MAIP1: variants seen among roughly 807,000 people sequenced by gnomAD.
MAIP1 encodes the protein matrix AAA peptidase interacting protein 1, also known as m-AAA protease-interacting protein 1, mitochondrial.
Under a neutral mutation model 31.2 loss-of-function variants are expected in MAIP1, and 28 were observed. That is an observed-to-expected ratio of 0.90 (90% CI 0.67 to 1.23). MAIP1 has a LOEUF of 1.23. MAIP1 is among the 50% of genes most tolerant of loss of function. The probability of loss-of-function intolerance (pLI) is 0.00; values close to 1 mark genes in which losing one functional copy is unlikely to be tolerated. For synonymous variants in MAIP1, 142 were observed against 142.3 expected (o/e 1.00, Z 0.02); for missense variants, 339 against 356.0 (o/e 0.95, Z 0.38).
intron 2 of MAIP1, 100 bp downstream of exon 2, chr2:199,959,439 C>T: frequency 1.3e-6 from 1 of 750,222 alleles, no homozygotes; most frequent in Non-Finnish European, 2.3e-6. Context: ...AGTGTGTGTG[C>T]CAGCATCCAA....
chr2:199,955,825 C>T lies in MAIP1; in HGVS notation c.27C>T (p.Pro9=), dbSNP rs761483369. ...TGGCGCTGGCCGCTCGTTTGCTACC[C>T]CAGTTCCTGCACTCTCGGTCGCTGC... MALAARLL[P]QFLHSRSLPC... Residue 9 remains proline (P), a synonymous_variant, in exon 1 of 5, where the codon CCC becomes CCT. Transcript: ENST00000392290. 4.0e-6 allele frequency: 6 copies of T among 1,518,606 alleles called. No individual in the cohort carries two copies. In the African/African-American group the frequency reaches 8.4e-5, roughly 21 times the overall value. The allele number at this position is 1,518,606 out of a possible 1,614,324, so 94.1% of individuals were successfully genotyped here. A position where few individuals can be genotyped will look rare whatever the true frequency, so the allele number is the denominator to read the frequency against.
In MAIP1 at chr2:199,955,930, C is replaced by G. The variant is rs372246553; in HGVS notation, c.132C>G (p.Arg44=). 12 of 1,601,110 alleles carry G rather than the reference C, an allele frequency of 7.5e-6. No homozygotes were observed. The highest frequency in any genetic ancestry group is 1.0e-5 in the Non-Finnish European group (12 of 1,172,132). Residue 44 remains arginine (R), a synonymous_variant, in exon 1 of 5, where the codon CGC becomes CGG. Coordinates refer to ENST00000392290, the MANE Select transcript of MAIP1 (RefSeq NM_001394955.1). ...LPSATLCYFC[R]CRLGLGAALF... Reference sequence around the variant, plus strand: ...CGGCCACACTTTGCTACTTCTGCCGCTGTCGCCTCGGCTTGGGAGCGGCGT... The same window carrying G: ...CGGCCACACTTTGCTACTTCTGCCGGTGTCGCCTCGGCTTGGGAGCGGCGT...
chr2:199,955,727 C>T lies in MAIP1; in HGVS notation c.-72C>T. The T allele has an allele frequency of 2.1e-6, 3 of 1,426,024 alleles. No homozygotes were observed. Among genetic ancestry groups the T allele is most frequent in the South Asian group, 2.8e-5 (2 of 72,632 alleles). The allele number at this position is 1,426,024 out of a possible 1,614,324, so 88.3% of individuals were successfully genotyped here. ...TGCTCTCCAGTCTCTTTCTCCGACA[C>T]CGCTGAGGCGGTTTCCCACCGACTT... On this transcript the variant is annotated 5_prime_UTR_variant, in exon 1 of 5. Transcript: ENST00000392290.
rs2077600608 is a variant in MAIP1, at chr2:199,956,036, G to C, written c.238G>C (p.Gly80Arg). 1.9e-5 allele frequency: 30 copies of C among 1,609,584 alleles called. No homozygotes were observed. Among genetic ancestry groups the C allele is most frequent in the Non-Finnish European group, 2.5e-5 (30 of 1,177,874 alleles). ...GSRWPVLSSPGLPAAFASFPA... is the reference protein window; with the variant it reads ...GSRWPVLSSPRLPAAFASFPA... ...CCGGTGGCCAGTGCTCAGCAGCCCG[G>C]GACTCCCCGCAGCCTTCGCTTCTTT... is the stretch of plus-strand genomic sequence containing the variant. Residue 80 changes from glycine (G) to arginine (R), a missense_variant, in exon 1 of 5, where the codon GGA becomes CGA. Gly to Arg is a moderately radical substitution (Grantham distance 125). Coordinates refer to ENST00000392290, the MANE Select transcript of MAIP1 (RefSeq NM_001394955.1).
chr2:199,957,164 G>A (rs1488981418), intron 1 of MAIP1, among the ~76,000 whole-genome samples: 1 of 152,064 alleles, frequency 6.6e-6, no homozygotes, highest in Admixed American at 6.6e-5. Context: ...ACTTTGGGAG[G>A]CCGAGGCAGG....
chr2:199,959,896 A>G lies in MAIP1; in HGVS notation c.649+16A>G. On this transcript the variant is annotated intron_variant, in intron 3 of 4. Coordinates refer to ENST00000392290, the MANE Select transcript of MAIP1 (RefSeq NM_001394955.1). ...GATGAGAAAGGTAATACCAGAGCAT[A>G]GTCAACTTGAAATGATCCATAATTG... is the stretch of plus-strand genomic sequence containing the variant. 6.2e-7 allele frequency: 1 copy of G among 1,607,804 alleles called. No homozygotes were observed.
At chr2:199,962,168 C>A (rs755789242) in intron 4 of MAIP1, among the ~76,000 whole-genome samples, 39 of 152,168 alleles carry the variant, frequency 2.6e-4, no homozygotes, top group Non-Finnish European at 4.9e-4. Context: ...TAACAAACTA[C>A]CCCCAAATTC....
Position 199,955,702 on chromosome 2 carries a change from T to G in MAIP1, c.-97T>G. 2.4e-6 allele frequency: 3 copies of G among 1,268,810 alleles called. No individual in the cohort carries two copies. The highest frequency in any genetic ancestry group is 3.2e-6 in the Non-Finnish European group (3 of 927,418). The allele number at this position is 1,268,810 out of a possible 1,614,324, so 78.6% of individuals were successfully genotyped here. On this transcript the variant is annotated 5_prime_UTR_variant, in exon 1 of 5. Transcript: ENST00000392290. ...AGAGGCTGCAGCAACAGGTCCACTT[T>G]GCTCTCCAGTCTCTTTCTCCGACAC...
At chr2:199,963,596 T>TG (rs766735265) in intron 4 of MAIP1, 137 bp from the exon 5 acceptor site, 1 of 482,802 alleles carries the variant, frequency 2.1e-6, no homozygotes, top group Non-Finnish European at 3.6e-6. Flanking sequence ...AACTTTTTTT[T>TG]GTTTTGATTT....
chr2:199,961,895 T>C lies in MAIP1; in HGVS notation c.764T>C (p.Val255Ala). The C allele has an allele frequency of 6.2e-7, 1 of 1,613,692 alleles. No individual in the cohort carries two copies. The highest frequency in any genetic ancestry group is 8.5e-7 in the Non-Finnish European group (1 of 1,179,886). Reference sequence around the variant, plus strand: ...CAGGTTAAGTTGGGGAATCAGAATGTGGAAACTAAACAACTTCTTAGTGCA... The same window carrying C: ...CAGGTTAAGTTGGGGAATCAGAATGCGGAAACTAAACAACTTCTTAGTGCA... ...VFQVKLGNQN[V>A]ETKQLLSASY... The change falls in exon 4 of 5, where the codon GTG (valine) becomes GCG (alanine). Residue 255 changes from valine (V) to alanine (A), a missense_variant. By Grantham distance (64) the Val-to-Ala change is moderately conservative (BLOSUM62 0). Transcript: ENST00000392290.
At chr2:199,955,407 G>A (rs764378011), upstream of MAIP1, 12 of 1,613,778 alleles carry the variant, frequency 7.4e-6, no homozygotes, top group Non-Finnish European at 1.0e-5. Context: ...GGGTAGAGGT[G>A]CTGCATGAAC....
chr2:199,958,278 T>G (rs1254111602), intron 1 of MAIP1, among the ~76,000 whole-genome samples: 1 of 152,162 alleles, frequency 6.6e-6, no homozygotes, highest in East Asian at 1.9e-4. Context: ...AGGATGCCAG[T>G]CAGATTGGAT....
chr2:199,963,060 GT>G (rs1322158687), intron 4 of MAIP1, among the ~76,000 whole-genome samples: 1 of 151,378 alleles, frequency 6.6e-6, no homozygotes, highest in Non-Finnish European at 1.5e-5. Context: ...AAAGAAATGT[GT>G]TTTTTTAAAT....
chr2:199,956,343 A>G, intron 1 of MAIP1, 95 bp downstream of exon 1: 1 of 985,618 alleles, frequency 1.0e-6, no homozygotes, highest in Non-Finnish European at 1.5e-6. Flanking sequence ...ACTGGGATAC[A>G]AGTGATCAAA....
At chr2:199,963,622 C>A in intron 4 of MAIP1, 111 bp from the exon 5 acceptor site, 2 of 572,314 alleles carry the variant, frequency 3.5e-6, no homozygotes, top group Non-Finnish European at 6.0e-6. Flanking sequence ...TAATATTAAC[C>A]ATTATCTTGT....
chr2:199,955,733 A>G lies in MAIP1; in HGVS notation c.-66A>G. 1 of 1,438,114 alleles carries G rather than the reference A, an allele frequency of 7.0e-7. No individual in the cohort carries two copies. Among genetic ancestry groups the G allele is most frequent in the African/African-American group, 1.4e-5 (1 of 70,360 alleles). The allele number at this position is 1,438,114 out of a possible 1,614,324, so 89.1% of individuals were successfully genotyped here. On this transcript the variant is annotated 5_prime_UTR_variant, in exon 1 of 5. Transcript: ENST00000392290. ...CCAGTCTCTTTCTCCGACACCGCTG[A>G]GGCGGTTTCCCACCGACTTCCTTTC...
intron 3 of MAIP1, among the ~76,000 whole-genome samples, chr2:199,960,409 A>G (rs2077629707): frequency 1.3e-5 from 2 of 152,184 alleles, no homozygotes; most frequent in African/African-American, 4.8e-5. Flanking sequence ...CATTTTCCCT[A>G]TAGCATTCCT....
chr2:199,955,882 T>C lies in MAIP1; in HGVS notation c.84T>C (p.Ala28=). Residue 28 remains alanine (A), a synonymous_variant, in exon 1 of 5, where the codon GCT becomes GCC. Transcript: ENST00000392290. ...PCGAVRLRTP[A]VAEVRLPSAT... ...GGGCCGTCCGACTCCGGACTCCTGC[T>C]GTGGCCGAGGTGAGGCTGCCGTCGG... The C allele has an allele frequency of 6.4e-7, 1 of 1,560,104 alleles. No homozygotes were observed. The highest frequency in any genetic ancestry group is 1.2e-5 in the South Asian group (1 of 81,884).
Position 199,963,815 on chromosome 2 carries a change from T to G in MAIP1, c.*4T>G. 1 of 1,597,752 alleles carries G rather than the reference T, an allele frequency of 6.3e-7. No individual in the cohort carries two copies. The highest frequency in any genetic ancestry group is 8.6e-7 in the Non-Finnish European group (1 of 1,166,648). On this transcript the variant is annotated 3_prime_UTR_variant, in exon 5 of 5. Coordinates refer to ENST00000392290, the MANE Select transcript of MAIP1 (RefSeq NM_001394955.1). The stretch of plus-strand genomic sequence containing the variant: ...ACACTCAAAATTATTAGAATAATTT[T>G]CTTGGAAAAATCAGCTTATGGACTT...
Sources: allele counts gnomAD v4.1 joint callset (sites outside exome capture counted in the v4.1 genomes callset), GRCh38; gene constraint gnomAD v4.1.1; transcripts MANE v1.5; gene names NCBI Gene and HGNC (gene_info 2026-07-23, HGNC 2026-07-21).